Variants in NPTX1 observed in about 807,000 individuals in gnomAD.
The protein encoded by NPTX1 is neuronal pentraxin-1.
Under a neutral mutation model 38.7 loss-of-function variants are expected in NPTX1, and 12 were observed. The observed-to-expected ratio is 0.31, with a 90% CI of 0.20 to 0.50. The LOEUF (loss-of-function observed/expected upper bound fraction) is 0.50, where lower values mean the gene tolerates loss of function less well. Ranked by LOEUF, NPTX1 falls within the 20% of genes least tolerant of loss-of-function variation. NPTX1 has a pLI of 0.98. For missense variants in NPTX1, 454 were observed against 592.2 expected, an observed-to-expected ratio of 0.77 and a Z score of 2.42; for synonymous variants, 272 against 264.9, an observed-to-expected ratio of 1.03 and a Z score of -0.26.
rs2083872360 is a variant in NPTX1, at chr17:80,475,277, TC to T, written c.652+233del. Among the ~76,000 whole-genome samples, 1 of 151,762 alleles carries T rather than the reference TC, an allele frequency of 6.6e-6. No homozygotes were observed. The highest frequency in any genetic ancestry group is 2.4e-5 in the African/African-American group (1 of 41,244). Reference sequence around the variant, plus strand: ...GGATGGGGGAGGGGGCACTATGCAATCCCCTTTCCCAGAGACAGCCCCAGCC... The same window carrying T: ...GGATGGGGGAGGGGGCACTATGCAATCCCTTTCCCAGAGACAGCCCCAGCC... On this transcript the variant is annotated intron_variant, in intron 2 of 4. Coordinates refer to ENST00000306773, the MANE Select transcript of NPTX1 (RefSeq NM_002522.4). The surrounding 1 kb of genome is among the most constrained non-coding windows in gnomAD (Gnocchi z 6.5).
rs777685184 is a variant in NPTX1 at position 80,471,693 on chromosome 17, G to A, written c.1077+39C>T. ...CTTCCCCTTCCCAGCCTCTGGTTCT[G>A]AAGCTCTCTCCCCTTCCCCACCACA... On this transcript the variant is annotated intron_variant, in intron 4 of 4. Transcript: ENST00000306773. 3.2e-6 allele frequency: 5 copies of A among 1,579,116 alleles called. No homozygotes were observed. In the African/African-American group the frequency reaches 6.7e-5, roughly 21 times the overall value.
chr17:80,473,173 G>A (rs188009449), intron 3 of NPTX1, 27 bp downstream of exon 3: 53 of 1,605,418 alleles, frequency 3.3e-5, no homozygotes, highest in Middle Eastern at 1.7e-4. Context: ...TCGCCCTGCC[G>A]CCCTGTGAGC....
rs2083814043 is a variant in NPTX1, at chr17:80,467,723, T to C, written c.*3090A>G. The stretch of plus-strand genomic sequence containing the variant: ...ATGTATCTCTTTCTTCCAAAATACA[T>C]GCTTTCAGTTCTACGTTTTGGTGGA... On this transcript the variant is annotated 3_prime_UTR_variant, in exon 5 of 5. Coordinates refer to ENST00000306773, the MANE Select transcript of NPTX1 (RefSeq NM_002522.4). 6.6e-6 allele frequency: 1 copy of C among 152,468 alleles called. No individual in the cohort carries two copies. Among genetic ancestry groups the C allele is most frequent in the Non-Finnish European group, 1.5e-5 (1 of 68,038 alleles). 9.4% of individuals were successfully genotyped at this position (152,468 alleles called of 1,614,324 possible).
rs1013985769 is a variant in NPTX1, at chr17:80,470,151, G to A, written c.*662C>T. 6.6e-6 allele frequency: 1 copy of A among 152,260 alleles called. No individual in the cohort carries two copies. The highest frequency in any genetic ancestry group is 1.5e-5 in the Non-Finnish European group (1 of 68,076). The allele number at this position is 152,260 out of a possible 1,614,324, so 9.4% of individuals were successfully genotyped here. On this transcript the variant is annotated 3_prime_UTR_variant, in exon 5 of 5. Transcript: ENST00000306773. ...CCCCTCTCCTCCACGGGAGAGCACAGGGTACCATCCCAGGACGGCCTGCCT... is the reference window on the plus strand; with the variant it reads ...CCCCTCTCCTCCACGGGAGAGCACAAGGTACCATCCCAGGACGGCCTGCCT...
Position 80,468,920 on chromosome 17 carries a change from G to A in NPTX1, c.*1893C>T, listed in dbSNP as rs1030871298. Reference sequence around the variant, plus strand: ...AGGATGCCACAACCCGACGGGCGCTGAGGAAGCACGATTATCTAAGAAAAA... The same window carrying A: ...AGGATGCCACAACCCGACGGGCGCTAAGGAAGCACGATTATCTAAGAAAAA... On this transcript the variant is annotated 3_prime_UTR_variant, in exon 5 of 5. Coordinates refer to ENST00000306773, the MANE Select transcript of NPTX1 (RefSeq NM_002522.4). The A allele has an allele frequency of 2.0e-5, 3 of 152,266 alleles. No homozygotes were observed. The highest frequency in any genetic ancestry group is 4.4e-5 in the Non-Finnish European group (3 of 68,056). 9.4% of individuals were successfully genotyped at this position (152,266 alleles called of 1,614,324 possible).
chr17:80,472,018 T>G, intron 3 of NPTX1, 107 bp from the exon 4 acceptor site: 4 of 1,034,192 alleles, frequency 3.9e-6, no homozygotes, highest in Non-Finnish European at 5.5e-6. Context: ...AAAGTAAATG[T>G]CAATAACTAT....
At chr17:80,474,950 G>C (rs1232940044) in intron 2 of NPTX1, among the ~76,000 whole-genome samples, 1 of 152,194 alleles carries the variant, frequency 6.6e-6, no homozygotes, top group African/African-American at 2.4e-5. Context: ...CCAGGACTTG[G>C]GTCACTCAGA....
Position 80,476,479 on chromosome 17 carries a change from C to A in NPTX1, c.-33G>T. The A allele has an allele frequency of 8.6e-7, 1 of 1,163,798 alleles. No individual in the cohort carries two copies. Among genetic ancestry groups the A allele is most frequent in the Non-Finnish European group, 1.1e-6 (1 of 945,104 alleles). The allele number at this position is 1,163,798 out of a possible 1,614,324, so 72.1% of individuals were successfully genotyped here. A position where few individuals can be genotyped will look rare whatever the true frequency, so the allele number is the denominator to read the frequency against. ...GGCACCGGGCGCTCCGGGCCCGGCT[C>A]GGCTCGGCTGGGGCTCGGCTCCGGC... On this transcript the variant is annotated 5_prime_UTR_variant, in exon 1 of 5. Transcript: ENST00000306773. This position sits in a 1 kb window ranked among gnomAD's most constrained non-coding sequence, Gnocchi z 6.3.
At chr17:80,473,078 C>T in intron 3 of NPTX1, 122 bp downstream of exon 3, 2 of 1,151,784 alleles carry the variant, frequency 1.7e-6, no homozygotes, top group Non-Finnish European at 2.4e-6. Context: ...TCCCACCTGG[C>T]AAACACTTTC....
chr17:80,467,583 C>G lies in NPTX1; in HGVS notation c.*3230G>C, dbSNP rs959149425. 2.0e-5 allele frequency: 3 copies of G among 152,482 alleles called. No homozygotes were observed. The highest frequency in any genetic ancestry group is 4.4e-5 in the Non-Finnish European group (3 of 68,030). The allele number at this position is 152,482 out of a possible 1,614,324, so 9.4% of individuals were successfully genotyped here. On this transcript the variant is annotated 3_prime_UTR_variant, in exon 5 of 5. Coordinates refer to ENST00000306773, the MANE Select transcript of NPTX1 (RefSeq NM_002522.4). The stretch of plus-strand genomic sequence containing the variant: ...CCTCATGCCAGCCTCTCCTCACCCC[C>G]TCACTGCCCACAAGACACCCCCTTG...
rs1344569336 is a variant in NPTX1, at chr17:80,468,366, C to A, written c.*2447G>T. ...GTGCTCTGCCCCTCGCTAGTCAGGG[C>A]AGAGGATGGCTCATGGTCCTGAACG... On this transcript the variant is annotated 3_prime_UTR_variant, in exon 5 of 5. Transcript: ENST00000306773. The A allele has an allele frequency of 6.6e-6, 1 of 152,404 alleles. No homozygotes were observed. The highest frequency in any genetic ancestry group is 1.9e-4 in the East Asian group (1 of 5,194). The allele number at this position is 152,404 out of a possible 1,614,324, so 9.4% of individuals were successfully genotyped here.
chr17:80,470,912 C>T lies in NPTX1; in HGVS notation c.1200G>A (p.Lys400=). 6.2e-7 allele frequency: 1 copy of T among 1,613,762 alleles called. No individual in the cohort carries two copies. The highest frequency in any genetic ancestry group is 8.5e-7 in the Non-Finnish European group (1 of 1,179,740). ...AGGCGATGACATTGCCGGACAGAGC[C>T]TTGGTGCTGCAGGTGGCCAGGTTGT... ...EVYNLATCST[K]ALSGNVIAWA... The change falls in exon 5 of 5, where the codon AAG becomes AAA. Residue 400 remains lysine, a synonymous_variant. Coordinates refer to ENST00000306773, the MANE Select transcript of NPTX1 (RefSeq NM_002522.4).
chr17:80,470,842 T>A lies in NPTX1; in HGVS notation c.1270A>T (p.Thr424Ser). 1 of 1,603,170 alleles carries A rather than the reference T, an allele frequency of 6.2e-7. No homozygotes were observed. The highest frequency in any genetic ancestry group is 8.5e-7 in the Non-Finnish European group (1 of 1,171,638). ...IEIYGGATKWTFEACRQIN is the reference protein window; with the variant it reads ...IEIYGGATKWSFEACRQIN ...TTGATCTGGCGACAGGCCTCGAAGG[T>A]CCACTTGGTGGCCCCTCCGTAGATC... The change falls in exon 5 of 5, where the codon ACC becomes TCC. Residue 424 changes from threonine to serine, a missense_variant. Around this residue, in one of 4 missense-constraint regions of NPTX1, gnomAD observed 50 missense variants for 54.0 expected, o/e 0.93. Transcript: ENST00000306773.
intron 4 of NPTX1, 147 bp from the exon 5 acceptor site, chr17:80,471,181 T>C: frequency 1.6e-6 from 1 of 634,970 alleles, no homozygotes; most frequent in Non-Finnish European, 2.7e-6. Flanking sequence ...TCCCTGTCCC[T>C]GACTCTCCAG....
At chr17:80,472,084 T>A (rs951784345) in intron 3 of NPTX1, among the ~76,000 whole-genome samples, 173 bp from the exon 4 acceptor site, 14 of 152,264 alleles carry the variant, frequency 9.2e-5, no homozygotes, top group African/African-American at 3.4e-4. Context: ...CAGCCCCGCC[T>A]GGGCGTGGGG....
chr17:80,475,846 C>A lies in NPTX1; in HGVS notation c.445-128G>T. 1 of 850,072 alleles carries A rather than the reference C, an allele frequency of 1.2e-6. No homozygotes were observed. Among genetic ancestry groups the A allele is most frequent in the Non-Finnish European group, 1.7e-6 (1 of 604,908 alleles). 52.7% of individuals were successfully genotyped at this position (850,072 alleles called of 1,614,324 possible). A position where few individuals can be genotyped will look rare whatever the true frequency, so the allele number is the denominator to read the frequency against. ...CCTGGCAGGGAGCTGGGGCGAGTGG[C>A]CGCCGCGGGGCCTCGCAGGCGCGGG... On this transcript the variant is annotated intron_variant, in intron 1 of 4. Coordinates refer to ENST00000306773, the MANE Select transcript of NPTX1 (RefSeq NM_002522.4). This position sits in a 1 kb window ranked among gnomAD's most constrained non-coding sequence, Gnocchi z 6.5.
In NPTX1 at chr17:80,471,903, C is replaced by T. The variant is rs28622194; in HGVS notation, c.906G>A (p.Lys302=). The stretch of plus-strand genomic sequence containing the variant: ...TGCCATCATTGATGACAAAAGGCAA[C>T]TTGGCCACCTGGGAAGGAGAATGAC... ...MEILINDKVA[K]LPFVINDGKW... Residue 302 remains lysine (K), a synonymous_variant, in exon 4 of 5, where the codon AAG becomes AAA. Coordinates refer to ENST00000306773, the MANE Select transcript of NPTX1 (RefSeq NM_002522.4). 1,040 of 1,611,048 alleles carry T rather than the reference C, an allele frequency of 6.5e-4. 6 individuals carry two copies. The African/African-American group carries it at 0.011, about 17-fold the overall frequency.
At chr17:80,472,760 G>C (rs1568275119) in intron 3 of NPTX1, among the ~76,000 whole-genome samples, 1 of 152,216 alleles carries the variant, frequency 6.6e-6, no homozygotes, top group African/African-American at 2.4e-5. Flanking sequence ...ACACAGACCT[G>C]TCCTCCTCCC....
rs779118972 is a variant in NPTX1, at chr17:80,475,552, G to A, written c.611C>T (p.Ala204Val). 6.2e-7 allele frequency: 1 copy of A among 1,612,764 alleles called. No individual in the cohort carries two copies. The highest frequency in any genetic ancestry group is 1.3e-5 in the African/African-American group (1 of 74,928). ...GATCCGCTGGTGCAGGGAGGTCAGG[G>A]CGGTCTCGATCTTGACCCTCTCCTC... ...DTEERVKIET[A>V]LTSLHQRISE... Residue 204 changes from alanine (A) to valine (V), a missense_variant, in exon 2 of 5, where the codon GCC becomes GTC. Physicochemically the swap from Ala to Val is moderately conservative, Grantham distance 64. Around this residue, in one of 4 missense-constraint regions of NPTX1, gnomAD observed 288 missense variants for 318.4 expected, o/e 0.90. Coordinates refer to ENST00000306773, the MANE Select transcript of NPTX1 (RefSeq NM_002522.4). The surrounding 1 kb of genome is among the most constrained non-coding windows in gnomAD (Gnocchi z 6.5).
Sources: allele counts gnomAD v4.1 joint callset (sites outside exome capture counted in the v4.1 genomes callset), GRCh38; gene constraint gnomAD v4.1.1; regional missense constraint gnomAD v4.1.1; non-coding constraint Gnocchi (gnomAD v3.1); transcripts MANE v1.5; gene names NCBI Gene and HGNC (gene_info 2026-07-23, HGNC 2026-07-21).